The following POLM variants were observed in gnomAD, a reference collection of about 807,000 sequenced individuals.
The protein encoded by POLM is DNA-directed DNA/RNA polymerase mu.
Under a neutral mutation model 56.7 loss-of-function variants are expected in POLM, and 52 were observed. The observed-to-expected ratio is 0.92, with a 90% CI of 0.73 to 1.15. The LOEUF is 1.15. Ranked by LOEUF, POLM falls within the 50% of genes most tolerant of loss-of-function variation. POLM has a pLI of 0.00. For missense variants in POLM, 660 were observed against 663.6 expected (o/e 0.99, Z 0.06); for synonymous variants, 273 against 274.3 (o/e 1.00, Z 0.05).
chr7:44,074,574 C>G, intron 6 of POLM, 44 bp from the exon 7 acceptor site: 1 of 1,502,914 alleles, frequency 6.7e-7, no homozygotes, highest in Non-Finnish European at 8.9e-7. Context: ...GCCTGCCCAC[C>G]ACACCGAGCC....
At position 44,073,229 on chromosome 7, in the gene POLM, A is replaced by T; in HGVS notation, c.*62T>A. The T allele has an allele frequency of 1.2e-6, 2 of 1,613,682 alleles. No individual in the cohort carries two copies. Among genetic ancestry groups the T allele is most frequent in the Non-Finnish European group, 1.7e-6 (2 of 1,179,734 alleles). On this transcript the variant is annotated 3_prime_UTR_variant, in exon 11 of 11. Transcript: ENST00000242248. ...GGGGGCAGCATATCTGCCTGGAGAC[A>T]TTCAGTGGCCAGGTTGGGGGCAGCC... is the stretch of plus-strand genomic sequence containing the variant.
chr7:44,079,856 C>CT lies in POLM; in HGVS notation c.471+4dup. On this transcript the variant is annotated splice_donor_region_variant and intron_variant, in intron 3 of 10. Transcript: ENST00000242248. ...GGCTGGCCAAGGCTCATAGAAGCGG[C>CT]TTACGGAGAGGCCAGTGTTGTGGTG... 6.2e-7 allele frequency: 1 copy of CT among 1,614,000 alleles called. No individual in the cohort carries two copies. Among genetic ancestry groups the CT allele is most frequent in the Non-Finnish European group, 8.5e-7 (1 of 1,179,874 alleles).
At chr7:44,080,996 C>A in intron 1 of POLM, 80 bp from the exon 2 acceptor site, 1 of 1,236,302 alleles carries the variant, frequency 8.1e-7, no homozygotes, top group South Asian at 1.5e-5. Flanking sequence ...TCACTCTTGC[C>A]GTCCCTTCTG....
intron 1 of POLM, among the ~76,000 whole-genome samples, chr7:44,081,908 G>A (rs879934113): frequency 6.6e-6 from 1 of 152,000 alleles, no homozygotes; most frequent in Admixed American, 6.6e-5. Context: ...ACCACCTCCG[G>A]TTAATTTTTT....
rs767574845 is a variant in POLM at position 44,079,674 on chromosome 7, CAGA to C, written c.536_538del (p.Phe179del). ...GGCCTTGAGCACCGAGGCTGCTCTG[CAGA>C]AGGTGAGGAGGCGGCCCTCACTGCC... On this transcript the variant is annotated inframe_deletion, in exon 4 of 11. Coordinates refer to ENST00000242248, the MANE Select transcript of POLM (RefSeq NM_013284.4). The C allele has an allele frequency of 1.1e-5, 17 of 1,613,384 alleles. No individual in the cohort carries two copies. In the East Asian group the frequency reaches 1.8e-4, roughly 17 times the overall value.
chr7:44,080,846 T>C lies in POLM; in HGVS notation c.259A>G (p.Met87Val), dbSNP rs1462600205. The change falls in exon 2 of 11, where the codon ATG becomes GTG. Residue 87 changes from methionine to valine, a missense_variant. Met to Val is a conservative substitution (Grantham distance 21). Coordinates refer to ENST00000242248, the MANE Select transcript of POLM (RefSeq NM_013284.4). ...GTGCAACCCGGGGGAGCAGCTGCCATCCTGCGCTCCTGCCAGCTGACGGCC... is the reference window on the plus strand; with the variant it reads ...GTGCAACCCGGGGGAGCAGCTGCCACCCTGCGCTCCTGCCAGCTGACGGCC... ...EEAVSWQERR[M>V]AAAPPGCTPP... 22 of 1,610,454 alleles carry C rather than the reference T, an allele frequency of 1.4e-5. No individual in the cohort carries two copies. In the Admixed American group the frequency reaches 3.7e-4, roughly 27 times the overall value.
At chr7:44,078,066 AG>A (rs1377395977) in intron 5 of POLM, among the ~76,000 whole-genome samples, 3 of 152,268 alleles carry the variant, frequency 2.0e-5, no homozygotes, top group Non-Finnish European at 4.4e-5. Flanking sequence ...AAGGCGGGCA[AG>A]GGCAAGCCCA....
chr7:44,080,746 C>T lies in POLM; in HGVS notation c.359G>A (p.Arg120Gln), dbSNP rs569243435. ...CACCCAGCTCACCTCCAGGCGGTGC[C>T]GGCACTCCACAGGTACAGGCTGCCC... is the stretch of plus-strand genomic sequence containing the variant. ...GAGQPVPVEC[R>Q]HRLEVAGPRK... The change falls in exon 2 of 11, where the codon CGG (arginine) becomes CAG (glutamine). Residue 120 changes from arginine (R) to glutamine (Q), a missense_variant. By Grantham distance (43) the Arg-to-Gln change is conservative. Coordinates refer to ENST00000242248, the MANE Select transcript of POLM (RefSeq NM_013284.4). 8.2e-5 allele frequency: 133 copies of T among 1,614,036 alleles called. No individual in the cohort carries two copies. Among genetic ancestry groups the T allele is most frequent in the East Asian group, 5.1e-4 (23 of 44,886 alleles).
In POLM at chr7:44,073,196, G is replaced by T; in HGVS notation, c.*95C>A. On this transcript the variant is annotated 3_prime_UTR_variant, in exon 11 of 11. Transcript: ENST00000242248. ...GGCCTTGGCGGGGAGGGGTGAAGGT[G>T]GGGGTCAGGGGGCAGCATATCTGCC... is the stretch of plus-strand genomic sequence containing the variant. The T allele has an allele frequency of 6.2e-7, 1 of 1,601,188 alleles. No individual in the cohort carries two copies. Among genetic ancestry groups the T allele is most frequent in the East Asian group, 2.2e-5 (1 of 44,456 alleles).
At position 44,080,833 on chromosome 7, in the gene POLM, G is replaced by GGAGCAGCTGCCATCCT. The variant is rs1562673475; in HGVS notation, c.256_271dup (p.Pro91GlnfsTer85). On this transcript the variant is annotated frameshift_variant, in exon 2 of 11. Coordinates refer to ENST00000242248, the MANE Select transcript of POLM (RefSeq NM_013284.4). LOFTEE classifies it high-confidence loss of function. ...CAGAGCTGGGGGGGTGCAACCCGGGGGAGCAGCTGCCATCCTGCGCTCCTG... is the reference window on the plus strand; with the variant it reads ...CAGAGCTGGGGGGGTGCAACCCGGGGGAGCAGCTGCCATCCTGAGCAGCTGCCATCCTGCGCTCCTG... The GGAGCAGCTGCCATCCT allele has an allele frequency of 6.2e-7, 1 of 1,612,822 alleles. No homozygotes were observed. Among genetic ancestry groups the GGAGCAGCTGCCATCCT allele is most frequent in the Admixed American group, 1.7e-5 (1 of 59,772 alleles).
Position 44,080,908 on chromosome 7 carries a change from G to A in POLM, c.197C>T (p.Ala66Val), listed in dbSNP as rs200153402. 357 of 1,564,398 alleles carry A rather than the reference G, an allele frequency of 2.3e-4. 2 individuals are homozygous for A. The South Asian group carries it at 3.5e-3, about 15-fold the overall frequency. ...FRVLDACSSE[A>V]THVVMEETSA... The stretch of plus-strand genomic sequence containing the variant: ...GGTCTCTTCCATCACAACATGTGTC[G>A]CTTCGGAGCTGGTGGAGGGAGTTGG... The change falls in exon 2 of 11, where the codon GCG (alanine) becomes GTG (valine). Residue 66 changes from alanine to valine, a missense_variant. By Grantham distance (64) the Ala-to-Val change is moderately conservative (BLOSUM62 0). Coordinates refer to ENST00000242248, the MANE Select transcript of POLM (RefSeq NM_013284.4).
At position 44,074,380 on chromosome 7, in the gene POLM, C is replaced by T. The variant is rs2096177704; in HGVS notation, c.968+18G>A. 1.9e-6 allele frequency: 3 copies of T among 1,552,316 alleles called. No individual in the cohort carries two copies. Among genetic ancestry groups the T allele is most frequent in the Non-Finnish European group, 2.6e-6 (3 of 1,147,536 alleles). ...GGGGTCTGAAGCCAAGCCAGAGGGGCACGTCGGGCCTTCTTACCTGCGGAA... is the reference window on the plus strand; with the variant it reads ...GGGGTCTGAAGCCAAGCCAGAGGGGTACGTCGGGCCTTCTTACCTGCGGAA... On this transcript the variant is annotated intron_variant, in intron 7 of 10. Coordinates refer to ENST00000242248, the MANE Select transcript of POLM (RefSeq NM_013284.4).
intron 5 of POLM, among the ~76,000 whole-genome samples, chr7:44,077,663 C>G (rs28382648): frequency 1.3e-5 from 2 of 152,188 alleles, no homozygotes; most frequent in African/African-American, 4.8e-5. Flanking sequence ...ACACTCACCA[C>G]GGTGGCCCCA....
intron 10 of POLM, 108 bp from the exon 11 acceptor site, chr7:44,073,485 T>C (rs878938665): frequency 6.3e-7 from 1 of 1,581,738 alleles, no homozygotes; most frequent in Non-Finnish European, 8.6e-7. Context: ...GGTGTGCTCT[T>C]GAGGGCCAGG....
Position 44,074,232 on chromosome 7 carries a change from C to A in POLM, c.970G>T (p.Gly324Trp). The A allele has an allele frequency of 6.4e-7, 1 of 1,574,204 alleles. No individual in the cohort carries two copies. The highest frequency in any genetic ancestry group is 2.3e-5 in the East Asian group (1 of 43,182). Residue 324 changes from glycine (G) to tryptophan (W), a missense_variant and splice_region_variant, in exon 8 of 11, where the codon GGG becomes TGG. Transcript: ENST00000242248. ...TCCACGTCATGGCCCTGCAACTTCC[C>A]CCTGAGGGCGTCAGTCTGACTCTGA... ...TVTLTGGFRR[G>W]KLQGHDVDFL...
At chr7:44,081,947 G>C (rs752837649) in intron 1 of POLM, among the ~76,000 whole-genome samples, 8 of 152,076 alleles carry the variant, frequency 5.3e-5, no homozygotes, top group Non-Finnish European at 5.9e-5. Flanking sequence ...GGGTTTCACC[G>C]TGTTAGCCAG....
chr7:44,082,142 G>T (rs2096201858), intron 1 of POLM, 109 bp downstream of exon 1: 2 of 907,092 alleles, frequency 2.2e-6, no homozygotes, highest in East Asian at 3.3e-5. Flanking sequence ...TACAGAAGAG[G>T]AGATGGAGGC....
Position 44,073,795 on chromosome 7 carries a change from C to G in POLM, c.1302G>C (p.Trp434Cys), listed in dbSNP as rs1188820891. The G allele has an allele frequency of 1.2e-6, 2 of 1,614,140 alleles. No individual in the cohort carries two copies. Among genetic ancestry groups the G allele is most frequent in the African/African-American group, 1.3e-5 (1 of 75,066 alleles). Residue 434 changes from tryptophan (W) to cysteine (C), a missense_variant, in exon 9 of 11, where the codon TGG becomes TGC. By Grantham distance (215) the Trp-to-Cys change is radical (BLOSUM62 -2). Transcript: ENST00000242248. ...VSQFPFALLG[W>C]TGSKLFQREL... ...GCACACTGCCTACCTTGGAGCCAGTCCAACCGAGCAGGGCGAAAGGGAACT... is the reference window on the plus strand; with the variant it reads ...GCACACTGCCTACCTTGGAGCCAGTGCAACCGAGCAGGGCGAAAGGGAACT...
chr7:44,073,067 C>T lies in POLM; in HGVS notation c.*224G>A, dbSNP rs915163892. ...GGCTAAGAGCAGACCCAGGGTCACACAGTGATGAGGCTGGCACTGAGGGCT... is the reference window on the plus strand; with the variant it reads ...GGCTAAGAGCAGACCCAGGGTCACATAGTGATGAGGCTGGCACTGAGGGCT... On this transcript the variant is annotated 3_prime_UTR_variant, in exon 11 of 11. Transcript: ENST00000242248. 4 of 1,437,700 alleles carry T rather than the reference C, an allele frequency of 2.8e-6. No homozygotes were observed. Among genetic ancestry groups the T allele is most frequent in the Non-Finnish European group, 3.6e-6 (4 of 1,097,798 alleles). 89.1% of individuals were successfully genotyped at this position (1,437,700 alleles called of 1,614,324 possible). A position where few individuals can be genotyped will look rare whatever the true frequency, so the allele number is the denominator to read the frequency against.
Sources: allele counts gnomAD v4.1 joint callset (sites outside exome capture counted in the v4.1 genomes callset), GRCh38; gene constraint gnomAD v4.1.1; transcripts MANE v1.5; gene names NCBI Gene and HGNC (gene_info 2026-07-23, HGNC 2026-07-21).